DDX42: variants seen among roughly 807,000 people sequenced by gnomAD.
The protein encoded by DDX42 is DEAD-box helicase 42.
Under a neutral mutation model 101.5 loss-of-function variants are expected in DDX42, and 22 were observed. That is an observed-to-expected ratio of 0.22 (90% CI 0.15 to 0.31). The LOEUF (loss-of-function observed/expected upper bound fraction) is 0.31. Among genes scored for constraint, DDX42 ranks in the 10% least tolerant of loss-of-function variants. The pLI is 1.00. For synonymous variants in DDX42, 402 were observed against 401.2 expected (o/e 1.00, Z -0.02); for missense variants, 849 against 1,199.9 (o/e 0.71, Z 4.32).
In DDX42 at chr17:63,816,950, T is replaced by C; in HGVS notation, c.2096T>C (p.Met699Thr). ...TGAMGDRLTA[M>T]KAAFQSQYKS... ...GCTATGGGAGATCGACTAACGGCAATGAAAGCAGCTTTCCAGGTCTGAAAT... is the reference window on the plus strand; with the variant it reads ...GCTATGGGAGATCGACTAACGGCAACGAAAGCAGCTTTCCAGGTCTGAAAT... The change falls in exon 17 of 18, where the codon ATG becomes ACG. Residue 699 changes from methionine (M) to threonine (T), a missense_variant. Coordinates refer to ENST00000389924, the MANE Select transcript of DDX42 (RefSeq NM_203499.3). The C allele has an allele frequency of 6.2e-7, 1 of 1,613,908 alleles. No individual in the cohort carries two copies.
rs369378680 is a variant in DDX42 at position 63,818,034 on chromosome 17, G to A, written c.2453G>A (p.Arg818His). Residue 818 changes from arginine to histidine, a missense_variant, in exon 18 of 18, where the codon CGT (arginine) becomes CAT (histidine). Transcript: ENST00000389924. ...TATACTGAGAACCGGGGCAGCAGCC[G>A]TCACAGTCACGGAGAGACTGGCAAT... ...ERYTENRGSS[R>H]HSHGETGNRH... 8.7e-6 allele frequency: 14 copies of A among 1,613,990 alleles called. No homozygotes were observed. Among genetic ancestry groups the A allele is most frequent in the Middle Eastern group, 1.6e-4 (1 of 6,062 alleles).
intron 11 of DDX42, 34 bp from the exon 12 acceptor site, chr17:63,810,479 G>A (rs769437776): frequency 9.3e-6 from 15 of 1,609,672 alleles, no homozygotes; most frequent in Non-Finnish European, 1.3e-5. Flanking sequence ...CTGTATTTCA[G>A]GTTATAATAA....
At chr17:63,809,785 A>G (rs1180696509) in intron 11 of DDX42, 126 bp downstream of exon 11, 3 of 670,682 alleles carry the variant, frequency 4.5e-6, no homozygotes, top group South Asian at 4.1e-5. Context: ...GTTAGACTAT[A>G]GAAATATAGC....
intron 1 of DDX42, among the ~76,000 whole-genome samples, chr17:63,775,662 A>G (rs2039411724): frequency 6.6e-6 from 1 of 152,196 alleles, no homozygotes; most frequent in South Asian, 2.1e-4. Context: ...TGGCCCGTTA[A>G]GAGTGTGAAG....
At chr17:63,793,234 T>A (rs1387880880) in intron 3 of DDX42, among the ~76,000 whole-genome samples, 1 of 152,006 alleles carries the variant, frequency 6.6e-6, no homozygotes, top group African/African-American at 2.4e-5. Flanking sequence ...CACCTCTGAT[T>A]CTTTCTTTTC....
Position 63,800,610 on chromosome 17 carries a change from A to G in DDX42, c.614A>G (p.His205Arg). ...ATTGATCCTCTTCCCCCCATTGATC[A>G]TTCAGAGGTATGGTGTTTCTTGCTG... ...KIIDPLPPID[H>R]SEIDYPPFEK... is the part of the protein sequence containing the mutation. The change falls in exon 6 of 18, where the codon CAT becomes CGT. Residue 205 changes from histidine (H) to arginine (R), a missense_variant. Coordinates refer to ENST00000389924, the MANE Select transcript of DDX42 (RefSeq NM_203499.3). The G allele has an allele frequency of 1.2e-6, 2 of 1,613,610 alleles. No individual in the cohort carries two copies. The highest frequency in any genetic ancestry group is 8.5e-7 in the Non-Finnish European group (1 of 1,179,808).
chr17:63,786,524 A>G (rs182386659), intron 1 of DDX42, among the ~76,000 whole-genome samples: 318 of 152,340 alleles, frequency 2.1e-3, no homozygotes, highest in African/African-American at 7.2e-3. Context: ...TCCTGGGTTC[A>G]AGTAGTCTTC....
In DDX42 at chr17:63,799,359, A is replaced by C. The variant is rs145523793; in HGVS notation, c.435-230A>C. 56 of 409,242 alleles carry C rather than the reference A, an allele frequency of 1.4e-4. 1 individual carries two copies. Among genetic ancestry groups the C allele is most frequent in the Middle Eastern group, 1.3e-3 (3 of 2,234 alleles). 25.4% of individuals were successfully genotyped at this position (409,242 alleles called of 1,614,324 possible). On this transcript the variant is annotated intron_variant, in intron 4 of 17. Coordinates refer to ENST00000389924, the MANE Select transcript of DDX42 (RefSeq NM_203499.3). Reference sequence around the variant, plus strand: ...ATCCTTGTTGGTAACCGCTGTTTCTAGGGGTATCATATCATCCCATTTAAA... The same window carrying C: ...ATCCTTGTTGGTAACCGCTGTTTCTCGGGGTATCATATCATCCCATTTAAA...
intron 6 of DDX42, among the ~76,000 whole-genome samples, chr17:63,802,333 A>G (rs2039781209): frequency 6.6e-6 from 1 of 152,258 alleles, no homozygotes; most frequent in Non-Finnish European, 1.5e-5. Context: ...AAAATATGAT[A>G]GCCATTTCAA....
Position 63,811,062 on chromosome 17 carries a change from A to G in DDX42, c.1301-14A>G. ...TCATATTGTTTCTCTAACAGAATTT[A>G]TCTTACCTTTTAGCTCTCTTATTTA... is the stretch of plus-strand genomic sequence containing the variant. On this transcript the variant is annotated splice_polypyrimidine_tract_variant and intron_variant, in intron 12 of 17. Transcript: ENST00000389924. The G allele has an allele frequency of 6.2e-7, 1 of 1,609,854 alleles. No homozygotes were observed. The highest frequency in any genetic ancestry group is 8.5e-7 in the Non-Finnish European group (1 of 1,176,898).
At chr17:63,813,847 CT>C (rs796849319) in intron 15 of DDX42, among the ~76,000 whole-genome samples, 15 of 147,784 alleles carry the variant, frequency 1.0e-4, no homozygotes, top group Non-Finnish European at 7.5e-5. Context: ...GCCCCCCCAC[CT>C]TTTTTTTTTG....
intron 2 of DDX42, 146 bp from the exon 3 acceptor site, chr17:63,792,266 A>C (rs2039637270): frequency 1.3e-6 from 1 of 773,288 alleles, no homozygotes; most frequent in African/African-American, 1.8e-5. Flanking sequence ...TAATTAGGTC[A>C]TTAGCCAAAG....
intron 2 of DDX42, among the ~76,000 whole-genome samples, chr17:63,789,694 C>T (rs2039602192): frequency 6.6e-6 from 1 of 151,388 alleles, no homozygotes. Context: ...CTGTCTCAGC[C>T]TCCTTAGTAG....
At position 63,818,128 on chromosome 17, in the gene DDX42, C is replaced by T; in HGVS notation, c.2547C>T (p.Ser849=). The change falls in exon 18 of 18, where the codon AGC becomes AGT. Residue 849 remains serine (S), a synonymous_variant. Coordinates refer to ENST00000389924, the MANE Select transcript of DDX42 (RefSeq NM_203499.3). ...GAGATGGATACCGCCATCCAGAAAGCAGCAGCCGTCATACTGATGGCCATC... is the reference window on the plus strand; with the variant it reads ...GAGATGGATACCGCCATCCAGAAAGTAGCAGCCGTCATACTGATGGCCATC... The part of the protein sequence containing the change: ...RHGDGYRHPE[S]SSRHTDGHRH... 1.2e-6 allele frequency: 2 copies of T among 1,613,986 alleles called. No individual in the cohort carries two copies. Among genetic ancestry groups the T allele is most frequent in the Non-Finnish European group, 1.7e-6 (2 of 1,180,022 alleles).
chr17:63,785,026 A>G (rs1423767204), intron 1 of DDX42, among the ~76,000 whole-genome samples: 1 of 152,164 alleles, frequency 6.6e-6, no homozygotes, highest in Non-Finnish European at 1.5e-5. Flanking sequence ...TTCAATTTTT[A>G]ATTTGTGTGT....
intron 6 of DDX42, among the ~76,000 whole-genome samples, chr17:63,802,910 C>A (rs1379762846): frequency 1.3e-4 from 19 of 142,598 alleles, no homozygotes; most frequent in Middle Eastern, 3.6e-3. Flanking sequence ...CACTCCATCT[C>A]AAAAAAAAAA....
At chr17:63,790,663 G>A (rs1444926449) in intron 2 of DDX42, among the ~76,000 whole-genome samples, 1 of 152,220 alleles carries the variant, frequency 6.6e-6, no homozygotes, top group African/African-American at 2.4e-5. Context: ...GGGAGGCTGA[G>A]GCAGGAGAAT....
At chr17:63,785,583 A>G (rs958298366) in intron 1 of DDX42, among the ~76,000 whole-genome samples, 2 of 149,914 alleles carry the variant, frequency 1.3e-5, no homozygotes, top group African/African-American at 5.0e-5. Context: ...CCTGGACAAC[A>G]TCACAAGACC....
Position 63,809,542 on chromosome 17 carries a change from A to G in DDX42, c.1153-18A>G, listed in dbSNP as rs377377684. On this transcript the variant is annotated intron_variant, in intron 10 of 17. Transcript: ENST00000389924. ...ATGCCTTTAATTATACTTACTGTTC[A>G]TTTTGTTGATCTTATAGGGTCGACT... The G allele has an allele frequency of 5.0e-4, 802 of 1,605,178 alleles. 3 individuals are homozygous for G. The Middle Eastern group carries it at 6.1e-3, about 12-fold the overall frequency.
Sources: allele counts gnomAD v4.1 joint callset (sites outside exome capture counted in the v4.1 genomes callset), GRCh38; gene constraint gnomAD v4.1.1; transcripts MANE v1.5; gene names NCBI Gene and HGNC (gene_info 2026-07-23, HGNC 2026-07-21).